The following TMC8 variants were observed in gnomAD, a reference collection of about 807,000 sequenced individuals.
The protein encoded by TMC8 is transmembrane channel-like protein 8.
Under a neutral mutation model 76.0 loss-of-function variants are expected in TMC8, and 71 were observed. That is an observed-to-expected ratio of 0.93 (90% CI 0.77 to 1.14). The LOEUF is 1.14. Ranked by LOEUF, TMC8 falls within the 50% of genes most tolerant of loss-of-function variation. TMC8 has a pLI of 0.00. For missense variants in TMC8, 924 were observed against 947.9 expected (o/e 0.97, Z 0.33); for synonymous variants, 433 against 433.8 (o/e 1.00, Z 0.02).
rs1397266280 is a variant in TMC8, at chr17:78,139,194, A to G, written c.1856A>G (p.Gln619Arg). Residue 619 changes from glutamine (Q) to arginine (R), a missense_variant, in exon 15 of 16, where the codon CAG becomes CGG. By Grantham distance (43) the Gln-to-Arg change is conservative. Transcript: ENST00000318430. ...LVLTVCVSQT[Q>R]ANARAIHRLR... ...CTGACGGTGTGCGTCTCCCAGACCCAGGCCAATGCCAGGGCCATCCACAGG... is the reference window on the plus strand; with the variant it reads ...CTGACGGTGTGCGTCTCCCAGACCCGGGCCAATGCCAGGGCCATCCACAGG... 5.0e-6 allele frequency: 8 copies of G among 1,613,690 alleles called. No homozygotes were observed. Among genetic ancestry groups the G allele is most frequent in the Middle Eastern group, 1.6e-4 (1 of 6,062 alleles).
Position 78,141,237 on chromosome 17 carries a change from G to A in TMC8, c.*125G>A. On this transcript the variant is annotated 3_prime_UTR_variant, in exon 16 of 16. Coordinates refer to ENST00000318430, the MANE Select transcript of TMC8 (RefSeq NM_152468.5). ...AGGGCCTCCCTCAGAGGTCCCCAAA[G>A]ATGGACACACAACCCCAGCGGCAGC... is the stretch of plus-strand genomic sequence containing the variant. The A allele has an allele frequency of 2.2e-6, 1 of 451,002 alleles. No individual in the cohort carries two copies. Among genetic ancestry groups the A allele is most frequent in the South Asian group, 6.4e-5 (1 of 15,662 alleles). 27.9% of individuals were successfully genotyped at this position (451,002 alleles called of 1,614,324 possible).
intron 3 of TMC8, 102 bp downstream of exon 3, chr17:78,132,132 T>G: frequency 1.8e-4 from 265 of 1,471,224 alleles, no homozygotes; most frequent in Non-Finnish European, 2.3e-4. Flanking sequence ...TTCACCCGGG[T>G]CCCCCGACCA....
chr17:78,131,841 GC>G, intron 2 of TMC8, 40 bp from the exon 3 acceptor site: 1 of 1,480,820 alleles, frequency 6.8e-7, no homozygotes, highest in South Asian at 1.3e-5. Context: ...GGTGGGCAGG[GC>G]GGGTGACTCA....
intron 14 of TMC8, 49 bp from the exon 15 acceptor site, chr17:78,139,113 C>G (rs959830266): frequency 1.9e-6 from 3 of 1,607,304 alleles, no homozygotes; most frequent in Middle Eastern, 1.7e-4. Flanking sequence ...CAGGGAGAGG[C>G]GCCTGTGGCC....
rs2075364589 is a variant in TMC8 at position 78,141,078 on chromosome 17, G to T, written c.2147G>T (p.Arg716Leu). The T allele has an allele frequency of 3.8e-6, 6 of 1,585,240 alleles. No individual in the cohort carries two copies. Among genetic ancestry groups the T allele is most frequent in the Non-Finnish European group, 5.1e-6 (6 of 1,169,470 alleles). Residue 716 changes from arginine to leucine, a missense_variant, in exon 16 of 16, where the codon CGC becomes CTC. Transcript: ENST00000318430. ...PGQHGAPASA[R>L]RFRFPSGAEL ...CAGCACGGTGCCCCGGCCTCCGCCC[G>T]CAGATTCCGCTTCCCCAGCGGCGCG...
At chr17:78,132,318 C>A (rs531747560) in intron 3 of TMC8, 41 bp from the exon 4 acceptor site, 1 of 1,609,282 alleles carries the variant, frequency 6.2e-7, no homozygotes, top group African/African-American at 1.3e-5. Context: ...GCCCCAGCCC[C>A]GGCCCCGGCC....
At chr17:78,134,251 CTATGGGAG>C in intron 7 of TMC8, 135 bp from the exon 8 acceptor site, 1 of 1,135,278 alleles carries the variant, frequency 8.8e-7, no homozygotes, top group Middle Eastern at 2.8e-4. Context: ...ATCTGAGTGT[CTATGGGAG>C]CATGACAGTG....
intron 10 of TMC8, 151 bp downstream of exon 10, chr17:78,137,509 C>T (rs979546905): frequency 6.4e-6 from 9 of 1,397,778 alleles, no homozygotes; most frequent in Non-Finnish European, 9.0e-6. Flanking sequence ...CTCCAGGGGG[C>T]GCCACTGCTG....
In TMC8 at chr17:78,134,870, G is replaced by T; in HGVS notation, c.988G>T (p.Glu330Ter). The change falls in exon 9 of 16, where the codon GAG becomes TAG. Residue 330 changes from glutamate (E) to a stop codon, truncating the protein, a stop_gained and splice_region_variant. Coordinates refer to ENST00000318430, the MANE Select transcript of TMC8 (RefSeq NM_152468.5). LOFTEE classifies it high-confidence loss of function. Reference sequence around the variant, plus strand: ...TCCCCTGACCTGCCTTTTCCCGCAGGAGTCCCTGTTTCTGCTGCTCCAGTA... The same window carrying T: ...TCCCCTGACCTGCCTTTTCCCGCAGTAGTCCCTGTTTCTGCTGCTCCAGTA... Reference protein sequence around the residue: ...ATKYSQDNKEESLFLLLQYLP... With the variant: ...ATKYSQDNKE The T allele has an allele frequency of 1.2e-6, 2 of 1,613,938 alleles. No homozygotes were observed. The highest frequency in any genetic ancestry group is 1.7e-6 in the Non-Finnish European group (2 of 1,180,012).
At position 78,131,404 on chromosome 17, in the gene TMC8, G is replaced by T; in HGVS notation, c.-185G>T. 1 of 779,038 alleles carries T rather than the reference G, an allele frequency of 1.3e-6. No homozygotes were observed. The highest frequency in any genetic ancestry group is 2.0e-6 in the Non-Finnish European group (1 of 489,444). 48.3% of individuals were successfully genotyped at this position (779,038 alleles called of 1,614,324 possible). A position where few individuals can be genotyped will look rare whatever the true frequency, so the allele number is the denominator to read the frequency against. On this transcript the variant is annotated 5_prime_UTR_variant, in exon 2 of 16. Coordinates refer to ENST00000318430, the MANE Select transcript of TMC8 (RefSeq NM_152468.5). Reference sequence around the variant, plus strand: ...CCGGAGGTGGCAGAGCGGCAGACCCGGGCAAGTGAACCCTAGGGCTGCAGG... The same window carrying T: ...CCGGAGGTGGCAGAGCGGCAGACCCTGGCAAGTGAACCCTAGGGCTGCAGG...
Position 78,139,109 on chromosome 17 carries a change from G to C in TMC8, c.1824-53G>C, listed in dbSNP as rs1269064149. The C allele has an allele frequency of 1.3e-5, 21 of 1,607,332 alleles. No individual in the cohort carries two copies. In the Admixed American group the frequency reaches 3.0e-4, roughly 23 times the overall value. On this transcript the variant is annotated intron_variant, in intron 14 of 15. Transcript: ENST00000318430. Reference sequence around the variant, plus strand: ...AGGTGGGGAGAGAGGAAGTCAGGGAGAGGCGCCTGTGGCCCCAGGGGCAAC... The same window carrying C: ...AGGTGGGGAGAGAGGAAGTCAGGGACAGGCGCCTGTGGCCCCAGGGGCAAC...
In TMC8 at chr17:78,134,931, T is replaced by C. The variant is rs1408670556; in HGVS notation, c.1049T>C (p.Leu350Pro). The change falls in exon 9 of 16, where the codon CTG becomes CCG. Residue 350 changes from leucine to proline, a missense_variant. Leu to Pro is a moderately conservative substitution (Grantham distance 98). Transcript: ENST00000318430. ...GGGGTCATCGCCCTGGTCAACTTCC[T>C]GGGTCCCCTGCTGTTCACATTTCTG... ...PPGVIALVNFLGPLLFTFLVQ... is the reference protein window; with the variant it reads ...PPGVIALVNFPGPLLFTFLVQ... 2 of 1,614,054 alleles carry C rather than the reference T, an allele frequency of 1.2e-6. No individual in the cohort carries two copies. Among genetic ancestry groups the C allele is most frequent in the Non-Finnish European group, 1.7e-6 (2 of 1,180,016 alleles).
chr17:78,136,469 CA>C (rs879518886), intron 9 of TMC8, among the ~76,000 whole-genome samples: 130 of 139,910 alleles, frequency 9.3e-4, no homozygotes, highest in Middle Eastern at 3.6e-3. Context: ...GACCCTATCT[CA>C]AAAAAAAAAA....
intron 7 of TMC8, 110 bp from the exon 8 acceptor site, chr17:78,134,284 T>A: frequency 2.3e-6 from 3 of 1,316,316 alleles, no homozygotes; most frequent in South Asian, 2.4e-5. Flanking sequence ...AGTTTGTGAC[T>A]GTGTATGTGA....
intron 9 of TMC8, 135 bp downstream of exon 9, chr17:78,135,144 A>G (rs1598913418): frequency 1.7e-6 from 2 of 1,165,838 alleles, no homozygotes; most frequent in East Asian, 4.9e-5. Context: ...AAGGGAAGGC[A>G]GGTACACACC....
chr17:78,132,323 C>CCGGCCT (rs1309227593), intron 3 of TMC8, 36 bp from the exon 4 acceptor site: 4 of 1,611,162 alleles, frequency 2.5e-6, no homozygotes, highest in Middle Eastern at 1.7e-4. Flanking sequence ...AGCCCCGGCC[C>CCGGCCT]CGGCCTCCCT....
intron 15 of TMC8, among the ~76,000 whole-genome samples, chr17:78,140,540 G>A (rs1478788835): frequency 6.6e-6 from 1 of 151,896 alleles, no homozygotes; most frequent in Non-Finnish European, 1.5e-5. Flanking sequence ...CGTTGGGGGC[G>A]GGGCCCTTGG....
intron 1 of TMC8, 48 bp from the exon 2 acceptor site, chr17:78,131,233 C>A (rs2074956132): frequency 1.5e-5 from 6 of 407,284 alleles, no homozygotes; most frequent in Non-Finnish European, 2.3e-5. Context: ...TTTGCCTGTG[C>A]CGGTCCAGAC....
At chr17:78,135,683 C>T (rs764492787) in intron 9 of TMC8, among the ~76,000 whole-genome samples, 2 of 152,204 alleles carry the variant, frequency 1.3e-5, no homozygotes, top group Non-Finnish European at 2.9e-5. Context: ...CTCTCCCTCA[C>T]GCCACCCTCA....
Sources: gnomAD v4.1 joint callset for allele counts (sites outside exome capture counted in the v4.1 genomes callset) on GRCh38, gnomAD v4.1.1 for gene constraint, MANE v1.5 for transcripts, NCBI Gene and HGNC (gene_info 2026-07-23, HGNC 2026-07-21) for gene names.